GAS7: variants seen among roughly 807,000 people sequenced by gnomAD.
The protein encoded by GAS7 is growth arrest specific 7.
A neutral mutation model predicts 71.1 loss-of-function variants in GAS7; 28 were observed. The observed-to-expected ratio is 0.39, with a 90% CI of 0.29 to 0.54. GAS7 has a LOEUF of 0.54. GAS7 is among the 20% of genes least tolerant of loss of function. GAS7 has a pLI of 0.62. For missense variants in GAS7, 436 were observed against 627.8 expected (o/e 0.69, Z 3.27); for synonymous variants, 258 against 245.8 (o/e 1.05, Z -0.46).
chr17:10,034,112 A>G lies in GAS7; in HGVS notation c.184-14215T>C, dbSNP rs999495644. On this transcript the variant is annotated intron_variant, in intron 1 of 13. Transcript: ENST00000432992. The surrounding 1 kb of genome is among the most constrained non-coding windows in gnomAD (Gnocchi z 4.4). Reference sequence around the variant, plus strand: ...TTGCTATGGAGATGTGAGACCTACCACTGCTCTGTGCCACCGTGCGAAGAA... The same window carrying G: ...TTGCTATGGAGATGTGAGACCTACCGCTGCTCTGTGCCACCGTGCGAAGAA... 2 of 984,876 alleles carry G rather than the reference A, an allele frequency of 2.0e-6. No homozygotes were observed. The highest frequency in any genetic ancestry group is 3.5e-5 in the African/African-American group (2 of 57,170). The allele number at this position is 984,876 out of a possible 1,614,324, so 61.0% of individuals were successfully genotyped here. A position where few individuals can be genotyped will look rare whatever the true frequency, so the allele number is the denominator to read the frequency against.
intron 1 of GAS7, among the ~76,000 whole-genome samples, chr17:10,028,333 C>T (rs116538643): frequency 1.3e-3 from 203 of 152,192 alleles, no homozygotes; most frequent in African/African-American, 4.7e-3. Context: ...ATGATTGTGC[C>T]ACTGCACTCC....
intron 1 of GAS7, among the ~76,000 whole-genome samples, chr17:10,020,404 C>T (rs1369846232): frequency 1.3e-5 from 2 of 152,200 alleles, no homozygotes; most frequent in African/African-American, 2.4e-5. Flanking sequence ...CCATGAAGAG[C>T]TGGATGGAGC....
At position 9,969,362 on chromosome 17, in the gene GAS7, A is replaced by C. The variant is rs1279738559; in HGVS notation, c.471+315T>G. ...TTGTCTGGCACATCCATACTCTTAA[A>C]GTGGTGAGAAACACAGGCTTCAGGT... On this transcript the variant is annotated intron_variant, in intron 4 of 13. Coordinates refer to ENST00000432992, the MANE Select transcript of GAS7 (RefSeq NM_201433.2). This position sits in a 1 kb window ranked among gnomAD's most constrained non-coding sequence, Gnocchi z 5.5. Among the ~76,000 whole-genome samples the C allele has an allele frequency of 6.6e-6, 1 of 152,184 alleles. No individual in the cohort carries two copies. Among genetic ancestry groups the C allele is most frequent in the African/African-American group, 2.4e-5 (1 of 41,450 alleles).
At position 10,198,325 on chromosome 17, in the gene GAS7, G is replaced by A. The variant is rs752843332; in HGVS notation, c.66C>T (p.Arg22=). 2 of 1,601,376 alleles carry A rather than the reference G, an allele frequency of 1.2e-6. No individual in the cohort carries two copies. Among genetic ancestry groups the A allele is most frequent in the Admixed American group, 1.7e-5 (1 of 59,942 alleles). Residue 22 remains arginine, a synonymous_variant, in exon 1 of 14, where the codon CGC becomes CGT. Coordinates refer to ENST00000432992, the MANE Select transcript of GAS7 (RefSeq NM_201433.2). ...GCGTGATCAGCTCGCCCGCGGCGAA[G>A]CGCAGCCCCTGGCCGTGCCGCTCCC... ...FSGERHGQGL[R]FAAGELITLL... is the part of the protein sequence containing the mutation.
At chr17:10,031,894 C>T (rs776026997) in intron 1 of GAS7, among the ~76,000 whole-genome samples, 5 of 152,096 alleles carry the variant, frequency 3.3e-5, no homozygotes, top group Non-Finnish European at 5.9e-5. Context: ...AATTGTGCCA[C>T]CAAATATCAG....
intron 1 of GAS7, among the ~76,000 whole-genome samples, chr17:10,119,504 T>C (rs1353200566): frequency 2.0e-5 from 3 of 152,212 alleles, no homozygotes; most frequent in African/African-American, 7.2e-5. Flanking sequence ...TGACGAAACA[T>C]GCTAAACAAG....
rs1016559893 is a variant in GAS7 at position 9,916,286 on chromosome 17, A to C, written c.*942T>G. The C allele has an allele frequency of 1.7e-5, 4 of 233,148 alleles. No individual in the cohort carries two copies. The highest frequency in any genetic ancestry group is 8.8e-5 in the African/African-American group (4 of 45,340). The allele number at this position is 233,148 out of a possible 1,614,324, so 14.4% of individuals were successfully genotyped here. A position where few individuals can be genotyped will look rare whatever the true frequency, so the allele number is the denominator to read the frequency against. ...TGGGCGGCCCGGGAGAGTGGGGGCC[A>C]GGGCAGCCCAAAGGTGCACAGGGCA... On this transcript the variant is annotated 3_prime_UTR_variant, in exon 14 of 14. Coordinates refer to ENST00000432992, the MANE Select transcript of GAS7 (RefSeq NM_201433.2).
At chr17:10,095,633 A>T (rs1197182104) in intron 1 of GAS7, among the ~76,000 whole-genome samples, 1 of 151,962 alleles carries the variant, frequency 6.6e-6, no homozygotes, top group East Asian at 1.9e-4. Flanking sequence ...CATCCTGGCC[A>T]ACATGGTGAA....
intron 1 of GAS7, among the ~76,000 whole-genome samples, chr17:10,097,669 G>A (rs1478763844): frequency 5.3e-5 from 8 of 152,234 alleles, no homozygotes; most frequent in South Asian, 4.1e-4. Flanking sequence ...ATCGGAATCC[G>A]CAGGCAGGTA....
At position 9,959,209 on chromosome 17, in the gene GAS7, GTGTTTTCCT is replaced by G; in HGVS notation, c.509_517del (p.Lys170_Asn172del). The G allele has an allele frequency of 6.2e-7, 1 of 1,614,110 alleles. No individual in the cohort carries two copies. Among genetic ancestry groups the G allele is most frequent in the Non-Finnish European group, 8.5e-7 (1 of 1,179,990 alleles). On this transcript the variant is annotated inframe_deletion, in exon 5 of 14. Transcript: ENST00000432992. This position sits in a 1 kb window ranked among gnomAD's most constrained non-coding sequence, Gnocchi z 5.0. ...CCCTCGGGAGCCACTTACTGTGATG[GTGTTTTCCT>G]TGCTCTGCTTTTTGCTTGGCGATGA...
chr17:10,153,856 CT>C (rs1263824290), intron 1 of GAS7, among the ~76,000 whole-genome samples: 1 of 152,088 alleles, frequency 6.6e-6, no homozygotes, highest in Non-Finnish European at 1.5e-5. Flanking sequence ...CACTTGAGGC[CT>C]GGAGTTCAAG....
chr17:9,996,860 G>A (rs895253762), intron 2 of GAS7, among the ~76,000 whole-genome samples: 1 of 151,374 alleles, frequency 6.6e-6, no homozygotes, highest in Non-Finnish European at 1.5e-5. Flanking sequence ...GGCTGGTCTC[G>A]AACTCCTGAT....
At chr17:10,064,639 T>C (rs1365155007) in intron 1 of GAS7, among the ~76,000 whole-genome samples, 1 of 152,222 alleles carries the variant, frequency 6.6e-6, no homozygotes, top group African/African-American at 2.4e-5. Context: ...AAGCTGCTGA[T>C]GGTCACGCTG....
chr17:9,940,014 G>A, intron 8 of GAS7, 112 bp downstream of exon 8: 1 of 777,090 alleles, frequency 1.3e-6, no homozygotes, highest in South Asian at 1.4e-5. Context: ...CAGGCCTATG[G>A]AGAGCTCCCC....
At chr17:10,120,122 T>TC (rs529062407) in intron 1 of GAS7, among the ~76,000 whole-genome samples, 66 of 35,224 alleles carry the variant, frequency 1.9e-3, no homozygotes, top group East Asian at 0.014. Context: ...CCCGTGACAA[T>TC]CCCCCCCCAG....
chr17:10,079,632 C>T (rs2073435660), intron 1 of GAS7, among the ~76,000 whole-genome samples: 1 of 152,198 alleles, frequency 6.6e-6, no homozygotes, highest in South Asian at 2.1e-4. Context: ...AGCTGTCCCA[C>T]CTTTCTGGAC....
chr17:9,965,997 C>CTTTTTTTT (rs1156705866), intron 4 of GAS7, among the ~76,000 whole-genome samples: 1 of 122,962 alleles, frequency 8.1e-6, no homozygotes, highest in Non-Finnish European at 1.7e-5. Flanking sequence ...CCCCAAAATT[C>CTTTTTTTT]TTTTTTTTTT....
chr17:10,160,970 A>G (rs2074251055), intron 1 of GAS7, among the ~76,000 whole-genome samples: 1 of 149,364 alleles, frequency 6.7e-6, no homozygotes, highest in Admixed American at 6.7e-5. Flanking sequence ...ACACACACAC[A>G]CACACACAGA....
intron 8 of GAS7, among the ~76,000 whole-genome samples, chr17:9,939,014 C>T (rs1359071673): frequency 6.6e-6 from 1 of 152,194 alleles, no homozygotes; most frequent in Non-Finnish European, 1.5e-5. Flanking sequence ...ATTGTGCATA[C>T]ACCACCATTT....
Sources: gnomAD v4.1 joint callset for allele counts (sites outside exome capture counted in the v4.1 genomes callset) on GRCh38, gnomAD v4.1.1 for gene constraint, Gnocchi (gnomAD v3.1) non-coding constraint, MANE v1.5 for transcripts, NCBI Gene and HGNC (gene_info 2026-07-23, HGNC 2026-07-21) for gene names.